The following RGS6 variants were observed in gnomAD, a reference collection of about 807,000 sequenced individuals.
RGS6 encodes regulator of G protein signaling 6.
Under a neutral mutation model 78.5 loss-of-function variants are expected in RGS6, and 30 were observed. That is an observed-to-expected ratio of 0.38 (90% CI 0.29 to 0.52). RGS6 has a LOEUF of 0.52. Ranked by LOEUF, RGS6 falls within the 20% of genes least tolerant of loss-of-function variation. The probability of loss-of-function intolerance (pLI) is 0.85; values close to 1 mark genes in which losing one functional copy is unlikely to be tolerated. For synonymous variants in RGS6, 206 were observed against 206.0 expected, an observed-to-expected ratio of 1.00 and a Z score of 0.00; for missense variants, 495 against 609.7, an observed-to-expected ratio of 0.81 and a Z score of 1.98.
intron 3 of RGS6, among the ~76,000 whole-genome samples, chr14:72,378,270 A>G (rs917790647): frequency 2.6e-5 from 4 of 152,206 alleles, no homozygotes; most frequent in Non-Finnish European, 5.9e-5. Flanking sequence ...AAGATTTCAA[A>G]TCATCAACTT....
intron 12 of RGS6, among the ~76,000 whole-genome samples, chr14:72,482,641 T>TTGAGCACTCCTTAATATGGTC (rs1361044579): frequency 2.6e-5 from 4 of 152,224 alleles, no homozygotes; most frequent in South Asian, 4.1e-4. Flanking sequence ...GCTGGGACAG[T>TTGAGCACTCCTTAATATGGTC]TGAGCACTCC....
the RGS6 span, among the ~76,000 whole-genome samples, chr14:72,579,504 A>G: frequency 6.6e-6 from 1 of 152,176 alleles, no homozygotes; most frequent in Admixed American, 6.5e-5. Flanking sequence ...GTCTAGTCCT[A>G]TTGTCGTGAG....
intron 2 of RGS6, among the ~76,000 whole-genome samples, chr14:72,000,633 G>A (rs764314597): frequency 6.6e-6 from 1 of 152,146 alleles, no homozygotes; most frequent in African/African-American, 2.4e-5. Context: ...ACAAGAGATA[G>A]GAAAATGTAG....
chr14:72,240,572 T>G (rs1600229632), intron 2 of RGS6, among the ~76,000 whole-genome samples: 2 of 152,220 alleles, frequency 1.3e-5, no homozygotes, highest in South Asian at 4.1e-4. Context: ...CTATTATTAA[T>G]TATGCTTCTA....
At chr14:72,579,854 T>C in the RGS6 span, among the ~76,000 whole-genome samples, 1 of 152,172 alleles carries the variant, frequency 6.6e-6, no homozygotes, top group Non-Finnish European at 1.5e-5. Context: ...ACAGTAAATG[T>C]CATGTTAGTG....
chr14:71,916,788 G>A, the RGS6 span, among the ~76,000 whole-genome samples: 3 of 152,224 alleles, frequency 2.0e-5, no homozygotes, highest in East Asian at 5.8e-4. Flanking sequence ...TAGGGCAAAG[G>A]GTAAAGGACC....
the RGS6 span, among the ~76,000 whole-genome samples, chr14:71,880,400 G>C: frequency 6.6e-6 from 1 of 152,194 alleles, no homozygotes; most frequent in Non-Finnish European, 1.5e-5. Flanking sequence ...TGTCTCCAGG[G>C]AATGTCAGAA....
At chr14:72,362,798 G>A (rs114163379) in intron 3 of RGS6, among the ~76,000 whole-genome samples, 36 of 152,330 alleles carry the variant, frequency 2.4e-4, no homozygotes, top group African/African-American at 8.4e-4. Context: ...ACCTCCTGGT[G>A]TAGGAGTGGC....
In RGS6 at chr14:72,115,193, T is replaced by C. The variant is rs915831034; in HGVS notation, c.84+150318T>C. ...TTCAACCCTAGCGCTCGCTCAGGGT[T>C]TGATTAGAGAAGCAGAATCACAGGA... is the stretch of plus-strand genomic sequence containing the variant. On this transcript the variant is annotated intron_variant, in intron 2 of 17. Coordinates refer to ENST00000553525, the MANE Select transcript of RGS6 (RefSeq NM_001204424.2). Among the ~76,000 whole-genome samples the C allele has an allele frequency of 3.3e-5, 5 of 152,150 alleles. No individual in the cohort carries two copies. In the East Asian group the frequency reaches 7.7e-4, roughly 23 times the overall value.
intron 17 of RGS6, among the ~76,000 whole-genome samples, chr14:72,560,839 T>TGTG (rs202222579): frequency 2.8e-5 from 4 of 142,488 alleles, no homozygotes; most frequent in South Asian, 2.2e-4. Flanking sequence ...TGTGTGTGTG[T>TGTG]TTAAGATGGG....
At chr14:72,585,855 A>T in the RGS6 span, among the ~76,000 whole-genome samples, 4 of 152,080 alleles carry the variant, frequency 2.6e-5, no homozygotes, top group African/African-American at 9.7e-5. Context: ...TCTCCTTCCA[A>T]TATTGCCACT....
chr14:72,284,890 A>C (rs2062238702), intron 2 of RGS6, among the ~76,000 whole-genome samples: 1 of 152,208 alleles, frequency 6.6e-6, no homozygotes, highest in Non-Finnish European at 1.5e-5. Flanking sequence ...GCGTGACCTG[A>C]ATGTGAGACA....
chr14:71,995,425 G>T (rs529128409), intron 2 of RGS6, among the ~76,000 whole-genome samples: 3 of 152,318 alleles, frequency 2.0e-5, no homozygotes, highest in Admixed American at 6.5e-5. Context: ...GGGTGGAAGT[G>T]ATTGCCTCTG....
chr14:72,195,510 C>A (rs906372116), intron 2 of RGS6, among the ~76,000 whole-genome samples: 2 of 152,046 alleles, frequency 1.3e-5, no homozygotes, highest in Admixed American at 1.3e-4. Context: ...GCTACTGAGT[C>A]CTCAGAGTAG....
chr14:72,396,576 T>C (rs2091329997), intron 3 of RGS6, among the ~76,000 whole-genome samples: 1 of 152,170 alleles, frequency 6.6e-6, no homozygotes, highest in Non-Finnish European at 1.5e-5. Context: ...ATTTTGGCTT[T>C]TGTTGCCATT....
At chr14:72,438,617 G>A (rs1371762101) in intron 3 of RGS6, among the ~76,000 whole-genome samples, 2 of 152,172 alleles carry the variant, frequency 1.3e-5, no homozygotes, top group Non-Finnish European at 2.9e-5. Context: ...ATCCATCAGA[G>A]AGGACCAGGA....
the RGS6 span, among the ~76,000 whole-genome samples, chr14:72,601,032 G>A: frequency 6.7e-6 from 1 of 149,876 alleles, no homozygotes; most frequent in African/African-American, 2.4e-5. Flanking sequence ...GGGGGAGGAG[G>A]AAGAGGAGGA....
At chr14:72,189,122 C>G (rs1164847934) in intron 2 of RGS6, among the ~76,000 whole-genome samples, 1 of 152,152 alleles carries the variant, frequency 6.6e-6, no homozygotes, top group Non-Finnish European at 1.5e-5. Flanking sequence ...TGCAGCCACT[C>G]AACTCTGCCA....
intron 2 of RGS6, among the ~76,000 whole-genome samples, chr14:72,122,464 T>A (rs1363100413): frequency 6.6e-6 from 1 of 152,154 alleles, no homozygotes; most frequent in Non-Finnish European, 1.5e-5. Flanking sequence ...AGCCAGTATG[T>A]TTTGGAGCCA....
Sources: allele counts gnomAD v4.1 joint callset (sites outside exome capture counted in the v4.1 genomes callset), GRCh38; gene constraint gnomAD v4.1.1; transcripts MANE v1.5; gene names NCBI Gene and HGNC (gene_info 2026-07-23, HGNC 2026-07-21).